The following IPO11 variants were observed in gnomAD, a reference collection of about 807,000 sequenced individuals.
The protein encoded by IPO11 is importin-11.
IPO11 carries 66 observed loss-of-function variants against 143.2 expected under a neutral mutation model. That is an observed-to-expected ratio of 0.46 (90% CI 0.38 to 0.57). The LOEUF (loss-of-function observed/expected upper bound fraction) is 0.57, where lower values mean the gene tolerates loss of function less well. Among genes scored for constraint, IPO11 ranks in the 20% least tolerant of loss-of-function variants. The pLI is 0.00. For missense variants in IPO11, 1,026 were observed against 1,141.0 expected (o/e 0.90, Z 1.45); for synonymous variants, 385 against 377.8 (o/e 1.02, Z -0.22).
chr5:62,622,552 C>T (rs900489532), intron 29 of IPO11, among the ~76,000 whole-genome samples: 2 of 152,000 alleles, frequency 1.3e-5, no homozygotes, highest in Non-Finnish European at 1.5e-5. Context: ...CATATTGAAA[C>T]GTGAAGAAAT....
intron 5 of IPO11, among the ~76,000 whole-genome samples, chr5:62,463,280 A>G (rs771671070): frequency 6.6e-6 from 1 of 152,058 alleles, no homozygotes; most frequent in Non-Finnish European, 1.5e-5. Context: ...TCCTTACCTC[A>G]AGTGATCCTC....
intron 24 of IPO11, among the ~76,000 whole-genome samples, chr5:62,545,002 C>T (rs1247604985): frequency 2.0e-5 from 3 of 152,050 alleles, no homozygotes; most frequent in East Asian, 1.9e-4. Flanking sequence ...GAATCAATAT[C>T]GTGAAAATGG....
intron 20 of IPO11, among the ~76,000 whole-genome samples, chr5:62,515,789 TTGG>T (rs1471279255): frequency 1.3e-5 from 2 of 152,180 alleles, no homozygotes; most frequent in Non-Finnish European, 2.9e-5. Flanking sequence ...TGCAGTTTCC[TTGG>T]TGGTCGGGGC....
chr5:62,476,135 A>G (rs1403987392), intron 8 of IPO11, among the ~76,000 whole-genome samples: 3 of 152,226 alleles, frequency 2.0e-5, no homozygotes, highest in Non-Finnish European at 4.4e-5. Flanking sequence ...TTCTCTGGCC[A>G]TCCTTGTGGG....
intron 28 of IPO11, among the ~76,000 whole-genome samples, chr5:62,599,027 C>G (rs1249245217): frequency 1.3e-5 from 2 of 152,160 alleles, no homozygotes; most frequent in African/African-American, 4.8e-5. Context: ...TCCTCAACAA[C>G]ATTAGCATCA....
chr5:62,450,284 T>A (rs1317895725), intron 4 of IPO11, among the ~76,000 whole-genome samples: 2 of 152,198 alleles, frequency 1.3e-5, no homozygotes, highest in African/African-American at 2.4e-5. Context: ...CTCTATATAG[T>A]CACGTGATGC....
chr5:62,597,355 G>A (rs1745265645), intron 28 of IPO11, among the ~76,000 whole-genome samples: 1 of 152,216 alleles, frequency 6.6e-6, no homozygotes, highest in East Asian at 1.9e-4. Flanking sequence ...ATTTAACAGA[G>A]TTTGATTAAG....
Position 62,485,432 on chromosome 5 carries a change from A to G in IPO11, c.1188A>G (p.Thr396=). The change falls in exon 12 of 30, where the codon ACA becomes ACG. Residue 396 remains threonine (T), a synonymous_variant. Coordinates refer to ENST00000325324, the MANE Select transcript of IPO11 (RefSeq NM_016338.5). ...TTTTAATTGCAGCAGTGGAAGAAAC[A>G]GGAGGAGATTCTTGGAAATATAGTT... The part of the protein sequence containing the change: ...EDPEGFTVEE[T]GGDSWKYSLR... The G allele has an allele frequency of 1.2e-6, 2 of 1,609,912 alleles. No individual in the cohort carries two copies. The highest frequency in any genetic ancestry group is 8.5e-7 in the Non-Finnish European group (1 of 1,176,402).
rs781094330 is a variant in IPO11 at position 62,504,840 on chromosome 5, T to G, written c.1625-18T>G. 2 of 1,519,706 alleles carry G rather than the reference T, an allele frequency of 1.3e-6. No individual in the cohort carries two copies. Among genetic ancestry groups the G allele is most frequent in the Non-Finnish European group, 1.8e-6 (2 of 1,111,446 alleles). The allele number at this position is 1,519,706 out of a possible 1,614,324, so 94.1% of individuals were successfully genotyped here. On this transcript the variant is annotated intron_variant, in intron 17 of 29. Coordinates refer to ENST00000325324, the MANE Select transcript of IPO11 (RefSeq NM_016338.5). ...GATAAAACTTATATATTCTCAGTATTCCTTAACTGTTCTTCACCTGTTGAT... is the reference window on the plus strand; with the variant it reads ...GATAAAACTTATATATTCTCAGTATGCCTTAACTGTTCTTCACCTGTTGAT...
chr5:62,618,017 T>G (rs545432373), intron 29 of IPO11, among the ~76,000 whole-genome samples: 1 of 152,230 alleles, frequency 6.6e-6, no homozygotes, highest in Admixed American at 6.5e-5. Context: ...TCAGGAAACT[T>G]AATATCTATA....
chr5:62,526,758 T>C (rs1339367030), intron 21 of IPO11: 2 of 152,908 alleles, frequency 1.3e-5, no homozygotes, highest in Admixed American at 6.5e-5. Flanking sequence ...CAAAGGCTTA[T>C]TGACTGCCCA....
intron 1 of IPO11, among the ~76,000 whole-genome samples, chr5:62,425,206 T>TG (rs1743684321): frequency 6.6e-6 from 1 of 152,214 alleles, no homozygotes. Flanking sequence ...AGATGGTCAT[T>TG]GAGAATTCTA....
intron 19 of IPO11, among the ~76,000 whole-genome samples, chr5:62,514,667 A>G (rs1741942308): frequency 6.6e-6 from 1 of 152,064 alleles, no homozygotes; most frequent in Non-Finnish European, 1.5e-5. Flanking sequence ...GGATATTCTT[A>G]GAGCAATTTC....
At chr5:62,538,916 G>A (rs993985420) in intron 24 of IPO11, among the ~76,000 whole-genome samples, 4 of 152,234 alleles carry the variant, frequency 2.6e-5, no homozygotes, top group Non-Finnish European at 4.4e-5. Flanking sequence ...GTGAACAGGA[G>A]TAAGGAGAGA....
At chr5:62,483,681 G>T (rs935635571) in intron 10 of IPO11, among the ~76,000 whole-genome samples, 2 of 152,210 alleles carry the variant, frequency 1.3e-5, no homozygotes, top group South Asian at 2.1e-4. Context: ...ATATGCGTGT[G>T]TGCCAAGATG....
At chr5:62,606,480 TAAAAAAAAAAAA>T (rs760722973) in intron 29 of IPO11, among the ~76,000 whole-genome samples, 26 of 56,106 alleles carry the variant, frequency 4.6e-4, no homozygotes, top group South Asian at 1.2e-3. Flanking sequence ...GACCCTGTCT[TAAAAAAAAAAAA>T]AAAAAAAAAA....
At chr5:62,452,431 G>A (rs924129669) in intron 5 of IPO11, among the ~76,000 whole-genome samples, 5 of 151,068 alleles carry the variant, frequency 3.3e-5, no homozygotes, top group Middle Eastern at 3.4e-3. Flanking sequence ...CACTCTGAAG[G>A]CAAGGAGGTC....
intron 15 of IPO11, among the ~76,000 whole-genome samples, chr5:62,492,340 G>C (rs1746648780): frequency 6.6e-6 from 1 of 152,088 alleles, no homozygotes; most frequent in Non-Finnish European, 1.5e-5. Context: ...AACAGTTTCT[G>C]TCCCTTGAAA....
intron 20 of IPO11, among the ~76,000 whole-genome samples, chr5:62,515,740 TGATA>T (rs751709851): frequency 7.2e-4 from 109 of 152,326 alleles, no homozygotes; most frequent in Non-Finnish European, 2.1e-4. Flanking sequence ...TCTCCAGTGA[TGATA>T]GACTCATGGT....
Sources: allele counts gnomAD v4.1 joint callset (sites outside exome capture counted in the v4.1 genomes callset), GRCh38; gene constraint gnomAD v4.1.1; transcripts MANE v1.5; gene names NCBI Gene and HGNC (gene_info 2026-07-23, HGNC 2026-07-21).